The following UNC5B variants were observed in gnomAD, a reference collection of about 807,000 sequenced individuals.
The protein encoded by UNC5B is unc-5 netrin receptor B, also known as netrin receptor UNC5B.
UNC5B carries 56 observed loss-of-function variants against 103.7 expected under a neutral mutation model. The observed-to-expected ratio is 0.54, with a 90% CI of 0.44 to 0.67. The LOEUF is 0.67. Ranked by LOEUF, UNC5B falls within the 30% of genes least tolerant of loss-of-function variation. The probability of loss-of-function intolerance (pLI) is 0.00; values close to 1 mark genes in which losing one functional copy is unlikely to be tolerated. For missense variants in UNC5B, 1,194 were observed against 1,284.5 expected (o/e 0.93, Z 1.08); for synonymous variants, 577 against 542.0 (o/e 1.06, Z -0.90).
At chr10:71,266,656 G>A (rs564872416) in intron 1 of UNC5B, among the ~76,000 whole-genome samples, 2 of 152,298 alleles carry the variant, frequency 1.3e-5, no homozygotes, top group Admixed American at 1.3e-4. Context: ...TGGGAGGCTG[G>A]GGCAGGGGTG....
At chr10:71,242,755 C>T (rs918792809) in intron 1 of UNC5B, among the ~76,000 whole-genome samples, 3 of 152,196 alleles carry the variant, frequency 2.0e-5, no homozygotes, top group African/African-American at 2.4e-5. Context: ...GGTCGGCGGC[C>T]CCCAGAATCT....
At chr10:71,251,394 A>C (rs1286312671) in intron 1 of UNC5B, among the ~76,000 whole-genome samples, 1 of 152,168 alleles carries the variant, frequency 6.6e-6, no homozygotes, top group African/African-American at 2.4e-5. Context: ...GGTAGGTACA[A>C]TAGAAACGCT....
At chr10:71,220,508 C>T (rs1332312083) in intron 1 of UNC5B, among the ~76,000 whole-genome samples, 1 of 152,168 alleles carries the variant, frequency 6.6e-6, no homozygotes, top group Non-Finnish European at 1.5e-5. Context: ...CAGAAGAGTG[C>T]ATGGCATTGC....
intron 1 of UNC5B, among the ~76,000 whole-genome samples, chr10:71,219,259 G>T (rs1341158154): frequency 6.6e-6 from 1 of 151,898 alleles, no homozygotes; most frequent in East Asian, 1.9e-4. Flanking sequence ...ATTAGTCAGG[G>T]TTCTCTAGAG....
In UNC5B at chr10:71,291,637, T is replaced by C. The variant is rs762355273; in HGVS notation, c.1500T>C (p.Ala500=). Reference sequence around the variant, plus strand: ...CTGGGCCAGGCCTGGCAGATGGGGCTGACCTGCTGGGGGTCTTGCCGCCTG... The same window carrying C: ...CTGGGCCAGGCCTGGCAGATGGGGCCGACCTGCTGGGGGTCTTGCCGCCTG... ...TGSGPGLADG[A]DLLGVLPPGT... The change falls in exon 10 of 17, where the codon GCT becomes GCC. Residue 500 remains alanine (A), a synonymous_variant. Transcript: ENST00000335350. 7 of 1,613,998 alleles carry C rather than the reference T, an allele frequency of 4.3e-6. No individual in the cohort carries two copies. The highest frequency in any genetic ancestry group is 5.1e-6 in the Non-Finnish European group (6 of 1,180,040).
At chr10:71,266,731 G>C (rs1426656581) in intron 1 of UNC5B, among the ~76,000 whole-genome samples, 2 of 152,176 alleles carry the variant, frequency 1.3e-5, no homozygotes, top group African/African-American at 2.4e-5. Context: ...GTTTTTTCCT[G>C]AGAATGGAGT....
chr10:71,248,865 TCTCACACACACACACACACACA>T (rs1202259085), intron 1 of UNC5B, among the ~76,000 whole-genome samples: 8 of 143,096 alleles, frequency 5.6e-5, no homozygotes, highest in Non-Finnish European at 9.1e-5. Context: ...TCTCTCTCTC[TCTCACACACACACACACACACA>T]CACACACACA....
At chr10:71,263,340 T>C (rs1338738715) in intron 1 of UNC5B, among the ~76,000 whole-genome samples, 1 of 152,092 alleles carries the variant, frequency 6.6e-6, no homozygotes, top group Non-Finnish European at 1.5e-5. Flanking sequence ...AAGCCCTCCC[T>C]CCCCAAGCCT....
intron 1 of UNC5B, among the ~76,000 whole-genome samples, chr10:71,229,149 G>A (rs1455919196): frequency 1.3e-5 from 2 of 152,224 alleles, no homozygotes; most frequent in African/African-American, 2.4e-5. Flanking sequence ...AAGAGCTGTT[G>A]ATTGATGGAC....
At chr10:71,222,096 G>A (rs945074389) in intron 1 of UNC5B, among the ~76,000 whole-genome samples, 1 of 152,208 alleles carries the variant, frequency 6.6e-6, no homozygotes, top group Non-Finnish European at 1.5e-5. Context: ...GGTCTGGGCA[G>A]TCAGAAAAGG....
Position 71,291,038 on chromosome 10 carries a change from C to G in UNC5B, c.1223C>G (p.Thr408Arg). 1.9e-6 allele frequency: 3 copies of G among 1,614,178 alleles called. No individual in the cohort carries two copies. Among genetic ancestry groups the G allele is most frequent in the Non-Finnish European group, 1.7e-6 (2 of 1,180,028 alleles). ...CGCCGCAACTGCCGTGACTTCGACA[C>G]AGACATCACTGACTCATCTGCTGCC... The part of the protein sequence containing the change: ...VYRRNCRDFD[T>R]DITDSSAALT... Residue 408 changes from threonine to arginine, a missense_variant, in exon 9 of 17, where the codon ACA becomes AGA. Physicochemically the swap from Thr to Arg is moderately conservative, Grantham distance 71. Coordinates refer to ENST00000335350, the MANE Select transcript of UNC5B (RefSeq NM_170744.5).
intron 1 of UNC5B, among the ~76,000 whole-genome samples, chr10:71,234,193 A>G (rs1843732688): frequency 6.6e-6 from 1 of 152,236 alleles, no homozygotes; most frequent in Admixed American, 6.5e-5. Flanking sequence ...CCAGGGTCAC[A>G]CAGCCAGGAA....
intron 10 of UNC5B, 146 bp downstream of exon 10, chr10:71,291,967 A>G (rs1845276459): frequency 2.3e-6 from 3 of 1,289,790 alleles, no homozygotes; most frequent in Admixed American, 5.8e-5. Flanking sequence ...AAGTGAGTAT[A>G]AAATAGAGAG....
intron 1 of UNC5B, among the ~76,000 whole-genome samples, chr10:71,266,385 C>A (rs1844523936): frequency 6.6e-6 from 1 of 152,182 alleles, no homozygotes; most frequent in Admixed American, 6.5e-5. Context: ...GTGTCCTCAG[C>A]TGGATGCCTG....
intron 1 of UNC5B, among the ~76,000 whole-genome samples, chr10:71,265,912 C>A (rs1402410127): frequency 6.6e-6 from 1 of 152,160 alleles, no homozygotes; most frequent in East Asian, 1.9e-4. Context: ...CACCTCTGGC[C>A]TCTAGCTATC....
At chr10:71,230,912 C>A (rs1843669306) in intron 1 of UNC5B, among the ~76,000 whole-genome samples, 1 of 152,148 alleles carries the variant, frequency 6.6e-6, no homozygotes. Context: ...TGGAGAGCAG[C>A]CAGGAACAGG....
chr10:71,288,726 A>T lies in UNC5B; in HGVS notation c.1060A>T (p.Met354Leu). ...TAAGAACTGCACAGATGGGCTGTGC[A>T]TGCAAAGTGAGTCACAGGGAAGGTG... Reference protein sequence around the residue: ...DSKNCTDGLCMQNKKTLSDPN... With the variant: ...DSKNCTDGLCLQNKKTLSDPN... Residue 354 changes from methionine (M) to leucine (L), a missense_variant, in exon 7 of 17, where the codon ATG becomes TTG. Physicochemically the swap from Met to Leu is conservative, Grantham distance 15. Transcript: ENST00000335350. 6.2e-7 allele frequency: 1 copy of T among 1,608,710 alleles called. No individual in the cohort carries two copies. Among genetic ancestry groups the T allele is most frequent in the Non-Finnish European group, 8.5e-7 (1 of 1,176,394 alleles).
chr10:71,246,321 C>T (rs138848301), intron 1 of UNC5B, among the ~76,000 whole-genome samples: 14 of 152,158 alleles, frequency 9.2e-5, no homozygotes, highest in African/African-American at 2.7e-4. Flanking sequence ...GGAGAGGATC[C>T]GAGAGGTTCC....
chr10:71,235,647 G>T (rs1198575685), intron 1 of UNC5B, among the ~76,000 whole-genome samples: 1 of 152,138 alleles, frequency 6.6e-6, no homozygotes, highest in Non-Finnish European at 1.5e-5. Context: ...TGGTAGGGGG[G>T]TCCTAGGGGG....
Sources: gnomAD v4.1 joint callset for allele counts (sites outside exome capture counted in the v4.1 genomes callset) on GRCh38, gnomAD v4.1.1 for gene constraint, MANE v1.5 for transcripts, NCBI Gene and HGNC (gene_info 2026-07-23, HGNC 2026-07-21) for gene names.